The following MND1 variants were observed in gnomAD, a reference collection of about 807,000 sequenced individuals.
The protein encoded by MND1 is meiotic nuclear divisions 1, also known as meiotic nuclear division protein 1 homolog.
A neutral mutation model predicts 35.1 loss-of-function variants in MND1; 28 were observed. The observed-to-expected ratio is 0.80, with a 90% CI of 0.59 to 1.09. The LOEUF is 1.09. Ranked by LOEUF, MND1 falls within the 50% of genes least tolerant of loss-of-function variation. MND1 has a pLI of 0.00. For synonymous variants in MND1, 69 were observed against 70.5 expected (o/e 0.98, Z 0.11); for missense variants, 213 against 239.6 (o/e 0.89, Z 0.73).
At chr4:153,350,657 A>G (rs1416394325) in intron 2 of MND1, among the ~76,000 whole-genome samples, 1 of 152,196 alleles carries the variant, frequency 6.6e-6, no homozygotes, top group East Asian at 1.9e-4. Flanking sequence ...TTAAAGTTTC[A>G]TCTCCTAAGT....
intron 4 of MND1, among the ~76,000 whole-genome samples, chr4:153,387,157 G>T (rs1227533743): frequency 1.3e-5 from 2 of 152,090 alleles, no homozygotes; most frequent in East Asian, 3.8e-4. Flanking sequence ...TCTTGCAGTG[G>T]TTTTTGTTTG....
chr4:153,376,716 C>G lies in MND1; in HGVS notation c.277-17546C>G, dbSNP rs10009690. 6.7e-3 allele frequency among the ~76,000 whole-genome samples: 1,027 copies of G among 152,154 alleles called. 4 individuals are homozygous for G. Among genetic ancestry groups the G allele is most frequent in the African/African-American group, 0.024 (987 of 41,510 alleles). ...CAAAATTTATTTTTGTATTTGTACC[C>G]CTGTCCGTCCCTTCCACACTTCCTG... On this transcript the variant is annotated intron_variant, in intron 4 of 7. Coordinates refer to ENST00000240488, the MANE Select transcript of MND1 (RefSeq NM_032117.4).
intron 4 of MND1, among the ~76,000 whole-genome samples, chr4:153,370,590 G>A (rs1246919992): frequency 6.6e-6 from 1 of 151,942 alleles, no homozygotes; most frequent in Non-Finnish European, 1.5e-5. Flanking sequence ...CGCGATCCTA[G>A]CTCACTGCAA....
At chr4:153,406,949 G>C (rs148272056) in intron 6 of MND1, among the ~76,000 whole-genome samples, 32 of 152,342 alleles carry the variant, frequency 2.1e-4, no homozygotes, top group Non-Finnish European at 4.6e-4. Flanking sequence ...AAGAGAGCTT[G>C]TGCAGGGAAA....
rs184064825 is a variant in MND1, at chr4:153,379,014, C to T, written c.277-15248C>T. On this transcript the variant is annotated intron_variant, in intron 4 of 7. Coordinates refer to ENST00000240488, the MANE Select transcript of MND1 (RefSeq NM_032117.4). Reference sequence around the variant, plus strand: ...TTTGAAACCACAAAAGCGGGCTGCGCGCGGTGACTCACGTCTGTAATCCCA... The same window carrying T: ...TTTGAAACCACAAAAGCGGGCTGCGTGCGGTGACTCACGTCTGTAATCCCA... Among the ~76,000 whole-genome samples, 35 of 152,226 alleles carry T rather than the reference C, an allele frequency of 2.3e-4. 1 individual carries two copies. The highest frequency in any genetic ancestry group is 1.7e-3 in the East Asian group (9 of 5,184).
chr4:153,344,978 G>A (rs1773036481), intron 1 of MND1, among the ~76,000 whole-genome samples: 1 of 152,138 alleles, frequency 6.6e-6, no homozygotes, highest in African/African-American at 2.4e-5. Flanking sequence ...GGGCATCCGC[G>A]GCCTCCCCGC....
At chr4:153,357,605 G>A (rs1423338297) in intron 3 of MND1, among the ~76,000 whole-genome samples, 2 of 152,180 alleles carry the variant, frequency 1.3e-5, no homozygotes, top group Non-Finnish European at 2.9e-5. Context: ...GAAAATCCAT[G>A]TATATAACTG....
At position 153,414,761 on chromosome 4, in the gene MND1, C is replaced by T. The variant is rs181365821; in HGVS notation, c.522C>T (p.Phe174=). The T allele has an allele frequency of 2.9e-4, 423 of 1,440,640 alleles. No homozygotes were observed. Among genetic ancestry groups the T allele is most frequent in the Non-Finnish European group, 2.3e-4 (243 of 1,054,142 alleles). The allele number at this position is 1,440,640 out of a possible 1,614,324, so 89.2% of individuals were successfully genotyped here. ...CAATTTTCTTTATAGATAACATATT[C>T]GCAATAAAATCTTGGGCCAAAAGAA... ...EAANRWTDNI[F]AIKSWAKRKF... Residue 174 remains phenylalanine, a synonymous_variant, in exon 8 of 8, where the codon TTC becomes TTT. Transcript: ENST00000240488.
chr4:153,402,125 TCCTGGGTGACAGAGCGAAA>T (rs1481543488), intron 6 of MND1, among the ~76,000 whole-genome samples: 1 of 152,104 alleles, frequency 6.6e-6, no homozygotes, highest in Admixed American at 6.6e-5. Context: ...CTGCACTCCA[TCCTGGGTGACAGAGCGAAA>T]CAGTCTCAAA....
intron 1 of MND1, among the ~76,000 whole-genome samples, chr4:153,349,337 A>G (rs1773156082): frequency 6.6e-6 from 1 of 152,018 alleles, no homozygotes; most frequent in African/African-American, 2.4e-5. Flanking sequence ...TCTCTTCCAC[A>G]TTGCTGCTAT....
chr4:153,373,721 C>G (rs1377994276), intron 4 of MND1, among the ~76,000 whole-genome samples: 1 of 152,160 alleles, frequency 6.6e-6, no homozygotes, highest in African/African-American at 2.4e-5. Context: ...TCCTATACCT[C>G]CTGTTCTAAG....
chr4:153,404,338 C>A (rs1055542279), intron 6 of MND1, among the ~76,000 whole-genome samples: 3 of 141,948 alleles, frequency 2.1e-5, no homozygotes, highest in African/African-American at 8.5e-5. Context: ...CGTGCCACCA[C>A]GCCCAGCTTT....
intron 2 of MND1, among the ~76,000 whole-genome samples, chr4:153,350,969 A>AAG (rs56110887): frequency 6.9e-6 from 1 of 144,142 alleles, no homozygotes; most frequent in East Asian, 2.0e-4. Context: ...AAAAAAAAAA[A>AAG]CAAACAAAAT....
Position 153,375,975 on chromosome 4 carries a change from A to C in MND1, c.276+17353A>C, listed in dbSNP as rs150710543. Reference sequence around the variant, plus strand: ...AATTTTAATGGGCAAGAAAAGCTTTATGTGGAAGTGATGAAAGTGGTAGTG... The same window carrying C: ...AATTTTAATGGGCAAGAAAAGCTTTCTGTGGAAGTGATGAAAGTGGTAGTG... On this transcript the variant is annotated intron_variant, in intron 4 of 7. Coordinates refer to ENST00000240488, the MANE Select transcript of MND1 (RefSeq NM_032117.4). Among the ~76,000 whole-genome samples the C allele has an allele frequency of 7.1e-3, 1,088 of 152,288 alleles. 6 individuals carry two copies. Among genetic ancestry groups the C allele is most frequent in the Non-Finnish European group, 9.9e-3 (673 of 67,994 alleles).
intron 4 of MND1, among the ~76,000 whole-genome samples, chr4:153,379,969 CTA>C (rs149298614): frequency 0.083 from 12,598 of 151,344 alleles, 729 homozygotes; most frequent in South Asian, 0.18. Flanking sequence ...CTACAGTGAT[CTA>C]TGATTGTTCC....
rs1003298697 is a variant in MND1 at position 153,352,763 on chromosome 4, A to C, written c.69+2634A>C. Among the ~76,000 whole-genome samples, 10 of 151,718 alleles carry C rather than the reference A, an allele frequency of 6.6e-5. No homozygotes were observed. In the South Asian group the frequency reaches 1.0e-3, roughly 16 times the overall value. ...CCCTATCTTAAAAAAAAAAAAAAAA[A>C]AAAAACACAACGATATTATCTAGGA... On this transcript the variant is annotated intron_variant, in intron 2 of 7. Transcript: ENST00000240488.
intron 1 of MND1, chr4:153,345,428 G>T: frequency 2.0e-6 from 2 of 985,552 alleles, no homozygotes; most frequent in Non-Finnish European, 2.4e-6. Flanking sequence ...GCTGCTGGTT[G>T]TGTAGGGCGC....
chr4:153,388,215 C>T (rs377326782), intron 4 of MND1, among the ~76,000 whole-genome samples: 17 of 152,268 alleles, frequency 1.1e-4, no homozygotes, highest in East Asian at 3.9e-4. Context: ...CTAGGCTGGG[C>T]GTGGTGGCTC....
At chr4:153,398,891 G>A (rs1729271142) in intron 6 of MND1, among the ~76,000 whole-genome samples, 1 of 152,214 alleles carries the variant, frequency 6.6e-6, no homozygotes, top group Non-Finnish European at 1.5e-5. Flanking sequence ...AGCTAGGCCT[G>A]CGTATGATTC....
Sources: allele counts gnomAD v4.1 joint callset (sites outside exome capture counted in the v4.1 genomes callset), GRCh38; gene constraint gnomAD v4.1.1; transcripts MANE v1.5; gene names NCBI Gene and HGNC (gene_info 2026-07-23, HGNC 2026-07-21).